The following UNC79 variants were observed in gnomAD, a reference collection of about 807,000 sequenced individuals.
UNC79 encodes protein unc-79 homolog.
A neutral mutation model predicts 283.1 loss-of-function variants in UNC79; 37 were observed. The observed-to-expected ratio is 0.13, with a 90% CI of 0.10 to 0.17. The LOEUF (loss-of-function observed/expected upper bound fraction) is 0.17. Ranked by LOEUF, UNC79 falls within the 10% of genes least tolerant of loss-of-function variation. The pLI, the probability that UNC79 is intolerant of heterozygous loss-of-function variation, is 1.00. For missense variants in UNC79, 2,272 were observed against 3,211.1 expected (o/e 0.71, Z 7.07); for synonymous variants, 1,107 against 1,200.2 (o/e 0.92, Z 1.61).
At chr14:93,466,788 T>A (rs905173788) in intron 1 of UNC79, 1 of 931,824 alleles carries the variant, frequency 1.1e-6, no homozygotes, top group African/African-American at 1.8e-5. Context: ...CAGAGAGACG[T>A]TGATCATCAT....
intron 14 of UNC79, among the ~76,000 whole-genome samples, chr14:93,566,820 T>C (rs892367858): frequency 2.6e-5 from 4 of 152,060 alleles, no homozygotes; most frequent in African/African-American, 9.7e-5. Context: ...TATTTCACCA[T>C]GTTGGCAAGG....
At chr14:93,394,420 A>AT (rs1025752199) in intron 1 of UNC79, among the ~76,000 whole-genome samples, 13 of 89,960 alleles carry the variant, frequency 1.4e-4, no homozygotes, top group East Asian at 2.6e-4. Flanking sequence ...TATCTTATTT[A>AT]TTTTTTTTGA....
At chr14:93,339,228 A>G (rs1012450927) in intron 1 of UNC79, among the ~76,000 whole-genome samples, 2 of 152,206 alleles carry the variant, frequency 1.3e-5, no homozygotes, top group African/African-American at 4.8e-5. Context: ...GTAACCCTTT[A>G]CTATCAGCCC....
intron 1 of UNC79, among the ~76,000 whole-genome samples, chr14:93,459,080 C>T (rs1333770240): frequency 6.6e-6 from 1 of 152,228 alleles, no homozygotes; most frequent in Non-Finnish European, 1.5e-5. Context: ...CAACCTCTGC[C>T]TCCTGGGTTC....
chr14:93,517,455 C>G (rs898997946), intron 7 of UNC79, among the ~76,000 whole-genome samples: 1 of 136,990 alleles, frequency 7.3e-6, no homozygotes, highest in African/African-American at 2.7e-5. Context: ...ATTATGTTAA[C>G]TGTAGGTTTT....
intron 40 of UNC79, among the ~76,000 whole-genome samples, chr14:93,668,285 A>G (rs1353896695): frequency 1.3e-5 from 2 of 152,244 alleles, no homozygotes; most frequent in Non-Finnish European, 2.9e-5. Flanking sequence ...AGAACCTACA[A>G]GAGAGCTCAG....
intron 31 of UNC79, among the ~76,000 whole-genome samples, chr14:93,633,532 T>A (rs146203672): frequency 8.3e-4 from 127 of 152,234 alleles, no homozygotes; most frequent in African/African-American, 2.9e-3. Flanking sequence ...GTTGATAGCT[T>A]CAGTTTCTGA....
intron 7 of UNC79, among the ~76,000 whole-genome samples, chr14:93,510,603 C>T (rs79837804): frequency 2.5e-3 from 388 of 152,288 alleles, no homozygotes; most frequent in Non-Finnish European, 3.9e-3. Context: ...CCTAGAGCAG[C>T]GGCACAATTC....
intron 14 of UNC79, among the ~76,000 whole-genome samples, chr14:93,571,673 A>G (rs934322821): frequency 6.6e-6 from 1 of 152,194 alleles, no homozygotes; most frequent in Non-Finnish European, 1.5e-5. Context: ...TCTGTAATCA[A>G]TATTTGAGCC....
chr14:93,404,486 T>TAAAAAAAAAAAAAA (rs34406486), intron 1 of UNC79, among the ~76,000 whole-genome samples: 4 of 53,042 alleles, frequency 7.5e-5, no homozygotes, highest in South Asian at 5.3e-4. Flanking sequence ...TGAGACCTTC[T>TAAAAAAAAAAAAAA]AAAAAAAATA....
At chr14:93,564,394 G>A (rs1051624271) in intron 14 of UNC79, among the ~76,000 whole-genome samples, 2 of 152,192 alleles carry the variant, frequency 1.3e-5, no homozygotes, top group African/African-American at 4.8e-5. Context: ...AGATCAGTTG[G>A]ACATGATCGG....
chr14:93,420,628 C>T (rs1222819592), intron 1 of UNC79, among the ~76,000 whole-genome samples: 3 of 151,806 alleles, frequency 2.0e-5, no homozygotes, highest in African/African-American at 4.8e-5. Context: ...ATTTACAGAA[C>T]ATTTTATGCA....
chr14:93,557,180 G>T (rs1210505999), intron 14 of UNC79, among the ~76,000 whole-genome samples: 2 of 152,176 alleles, frequency 1.3e-5, no homozygotes, highest in African/African-American at 4.8e-5. Context: ...ATATTCTATT[G>T]ATTTAAAGAA....
intron 1 of UNC79, among the ~76,000 whole-genome samples, chr14:93,433,567 T>G (rs1269102446): frequency 1.3e-5 from 2 of 152,104 alleles, no homozygotes; most frequent in Admixed American, 1.3e-4. Context: ...TTTCTTCTAC[T>G]GGGTGTGAAG....
intron 32 of UNC79, among the ~76,000 whole-genome samples, chr14:93,637,580 G>A (rs918638318): frequency 2.0e-5 from 3 of 152,018 alleles, no homozygotes; most frequent in Non-Finnish European, 2.9e-5. Flanking sequence ...CCAGCCTCCC[G>A]AGGAGTAGCT....
At chr14:93,575,460 A>G (rs1225513863) in intron 17 of UNC79, among the ~76,000 whole-genome samples, 1 of 152,168 alleles carries the variant, frequency 6.6e-6, no homozygotes, top group African/African-American at 2.4e-5. Context: ...CTTTTTGGTA[A>G]CATTCCATTT....
In UNC79 at chr14:93,377,419, C is replaced by T. The variant is rs186091739; in HGVS notation, c.-351+43896C>T. 4.8e-3 allele frequency among the ~76,000 whole-genome samples: 723 copies of T among 151,952 alleles called. 2 individuals are homozygous for T. Among genetic ancestry groups the T allele is most frequent in the Middle Eastern group, 0.01 (3 of 294 alleles). ...GAGAATAGTTGTTTCTTAAAGAAAACGGTGATGTACTGAGGGTTGAGGGCT... is the reference window on the plus strand; with the variant it reads ...GAGAATAGTTGTTTCTTAAAGAAAATGGTGATGTACTGAGGGTTGAGGGCT... On this transcript the variant is annotated intron_variant, in intron 1 of 49. Transcript: ENST00000256339.
At chr14:93,443,498 G>A (rs1023229114) in intron 1 of UNC79, among the ~76,000 whole-genome samples, 8 of 147,360 alleles carry the variant, frequency 5.4e-5, no homozygotes, top group African/African-American at 1.3e-4. Flanking sequence ...ATCTCAGCTC[G>A]CTGCAACCTC....
intron 48 of UNC79, among the ~76,000 whole-genome samples, chr14:93,705,552 A>T (rs2075821902): frequency 6.6e-6 from 1 of 152,190 alleles, no homozygotes; most frequent in Admixed American, 6.5e-5. Context: ...GAAATTTAGG[A>T]CCAAAAGGAA....
Sources: gnomAD v4.1 joint callset for allele counts (sites outside exome capture counted in the v4.1 genomes callset) on GRCh38, gnomAD v4.1.1 for gene constraint, MANE v1.5 for transcripts, NCBI Gene and HGNC (gene_info 2026-07-23, HGNC 2026-07-21) for gene names.